Variants in ZNRF2 observed in about 807,000 individuals in gnomAD.
The protein encoded by ZNRF2 is E3 ubiquitin-protein ligase ZNRF2.
In ZNRF2, 16 loss-of-function variants were observed where a neutral mutation model predicts 20.4. The observed-to-expected ratio is 0.79, with a 90% CI of 0.53 to 1.19. The LOEUF (loss-of-function observed/expected upper bound fraction) is 1.19, where lower values mean the gene tolerates loss of function less well. Ranked by LOEUF, ZNRF2 falls within the 50% of genes most tolerant of loss-of-function variation. The pLI, the probability that ZNRF2 is intolerant of heterozygous loss-of-function variation, is 0.00. For missense variants in ZNRF2, 363 were observed against 332.4 expected, an observed-to-expected ratio of 1.09 and a Z score of -0.72; for synonymous variants, 178 against 144.9, an observed-to-expected ratio of 1.23 and a Z score of -1.64.
intron 2 of ZNRF2, among the ~76,000 whole-genome samples, chr7:30,324,170 T>G (rs1412453143): frequency 6.6e-6 from 1 of 152,014 alleles, no homozygotes; most frequent in Non-Finnish European, 1.5e-5. Flanking sequence ...TTCATTCAGT[T>G]TATTGTGATA....
chr7:30,315,099 AGCCACCACGCCTG>A (rs1799349355), intron 1 of ZNRF2, among the ~76,000 whole-genome samples: 1 of 152,116 alleles, frequency 6.6e-6, no homozygotes, highest in African/African-American at 2.4e-5. Flanking sequence ...TACAGGTGTG[AGCCACCACGCCTG>A]GCCTATGGGA....
chr7:30,351,083 T>C (rs1799955869), intron 2 of ZNRF2, among the ~76,000 whole-genome samples: 1 of 151,534 alleles, frequency 6.6e-6, no homozygotes, highest in Non-Finnish European at 1.5e-5. Context: ...ACTATATGGA[T>C]ATGTGCTTGG....
At chr7:30,331,808 T>C (rs1468066325) in intron 2 of ZNRF2, among the ~76,000 whole-genome samples, 2 of 152,154 alleles carry the variant, frequency 1.3e-5, no homozygotes, top group Non-Finnish European at 2.9e-5. Context: ...ACCCAAAAAA[T>C]AATATTTTAC....
In ZNRF2 at chr7:30,285,176, C is replaced by T. The variant is rs2128052791; in HGVS notation, c.-182C>T. On this transcript the variant is annotated 5_prime_UTR_variant, in exon 1 of 5. Transcript: ENST00000323037. ...GTCAGGCCGTCGGCCTCGCCCGCCG[C>T]CCCAAGAAGAGCGCGCCGGGCGCCG... 3 of 432,906 alleles carry T rather than the reference C, an allele frequency of 6.9e-6. No individual in the cohort carries two copies. The highest frequency in any genetic ancestry group is 7.2e-4 in the Middle Eastern group (1 of 1,384). The allele number at this position is 432,906 out of a possible 1,614,324, so 26.8% of individuals were successfully genotyped here.
In ZNRF2 at chr7:30,362,281, A is replaced by T. The variant is rs1800138463; in HGVS notation, c.672-96A>T. The T allele has an allele frequency of 1.4e-5, 11 of 776,572 alleles. No homozygotes were observed. In the East Asian group the frequency reaches 3.2e-4, roughly 22 times the overall value. 48.1% of individuals were successfully genotyped at this position (776,572 alleles called of 1,614,324 possible). On this transcript the variant is annotated intron_variant, in intron 3 of 4. Coordinates refer to ENST00000323037, the MANE Select transcript of ZNRF2 (RefSeq NM_147128.4). ...ATTTAAAATGCTCATTTTTTTCTGT[A>T]AAAAATATATTAAAGTCAAGTATTT...
At chr7:30,330,764 G>T (rs1309429700) in intron 2 of ZNRF2, among the ~76,000 whole-genome samples, 1 of 148,790 alleles carries the variant, frequency 6.7e-6, no homozygotes, top group East Asian at 2.0e-4. Flanking sequence ...TTTTTTAACT[G>T]AAGTTAAAAA....
chr7:30,299,882 C>T (rs1426243894), intron 1 of ZNRF2, among the ~76,000 whole-genome samples: 4 of 150,484 alleles, frequency 2.7e-5, no homozygotes, highest in Admixed American at 1.3e-4. Flanking sequence ...CAAGTTCATG[C>T]CATTCTCCTG....
At chr7:30,306,459 C>A (rs1007844360) in intron 1 of ZNRF2, among the ~76,000 whole-genome samples, 1 of 152,052 alleles carries the variant, frequency 6.6e-6, no homozygotes, top group Non-Finnish European at 1.5e-5. Context: ...GAATAAAATT[C>A]CATCTTTTAT....
intron 1 of ZNRF2, among the ~76,000 whole-genome samples, chr7:30,299,884 A>C (rs1292075406): frequency 1.4e-5 from 2 of 146,030 alleles, no homozygotes; most frequent in African/African-American, 5.1e-5. Flanking sequence ...AGTTCATGCC[A>C]TTCTCCTGCC....
At chr7:30,304,008 T>A (rs571350725) in intron 1 of ZNRF2, among the ~76,000 whole-genome samples, 38 of 152,284 alleles carry the variant, frequency 2.5e-4, no homozygotes, top group African/African-American at 8.9e-4. Context: ...TGAATAGATT[T>A]TACTTAAAGT....
intron 1 of ZNRF2, among the ~76,000 whole-genome samples, chr7:30,294,993 C>CAG (rs151019640): frequency 3.9e-5 from 2 of 51,536 alleles, no homozygotes; most frequent in Admixed American, 2.2e-4. Flanking sequence ...GGGAGGGGGA[C>CAG]AGAGAGAGAG....
chr7:30,363,445 T>C (rs1800160266), intron 4 of ZNRF2, among the ~76,000 whole-genome samples: 1 of 152,204 alleles, frequency 6.6e-6, no homozygotes, highest in Non-Finnish European at 1.5e-5. Flanking sequence ...AACTAGTTTG[T>C]TGGTGGGGAT....
chr7:30,347,991 T>A (rs1187422564), intron 2 of ZNRF2, among the ~76,000 whole-genome samples: 3 of 152,112 alleles, frequency 2.0e-5, no homozygotes, highest in Non-Finnish European at 4.4e-5. Flanking sequence ...TGCCTTAATA[T>A]CTCAGGAATG....
At chr7:30,291,375 C>A (rs1006663152) in intron 1 of ZNRF2, among the ~76,000 whole-genome samples, 2 of 152,204 alleles carry the variant, frequency 1.3e-5, no homozygotes, top group African/African-American at 4.8e-5. Context: ...GCAACCTTCT[C>A]TAGTGGTGCA....
chr7:30,303,506 G>T (rs1799152472), intron 1 of ZNRF2, among the ~76,000 whole-genome samples: 1 of 152,132 alleles, frequency 6.6e-6, no homozygotes, highest in African/African-American at 2.4e-5. Context: ...AAGTTTCCAG[G>T]TGTTGCTGAT....
At chr7:30,300,406 C>G (rs977434433) in intron 1 of ZNRF2, among the ~76,000 whole-genome samples, 1 of 152,150 alleles carries the variant, frequency 6.6e-6, no homozygotes, top group Non-Finnish European at 1.5e-5. Context: ...CTCGGCCTCC[C>G]AAAGTGCTGG....
At chr7:30,347,213 G>A (rs1403650483) in intron 2 of ZNRF2, among the ~76,000 whole-genome samples, 1 of 151,924 alleles carries the variant, frequency 6.6e-6, no homozygotes, top group Non-Finnish European at 1.5e-5. Flanking sequence ...TACCTATGTC[G>A]GTCATACTGT....
chr7:30,323,072 GA>G (rs1217593073), intron 1 of ZNRF2, among the ~76,000 whole-genome samples: 1 of 152,170 alleles, frequency 6.6e-6, no homozygotes, highest in African/African-American at 2.4e-5. Flanking sequence ...TTTTCATTAT[GA>G]CTTCAGTGCC....
At chr7:30,332,517 C>T (rs960322089) in intron 2 of ZNRF2, among the ~76,000 whole-genome samples, 3 of 151,960 alleles carry the variant, frequency 2.0e-5, no homozygotes, top group South Asian at 2.1e-4. Context: ...AACCCTTGTC[C>T]CCCTCCCTCT....
Sources: allele counts gnomAD v4.1 joint callset (sites outside exome capture counted in the v4.1 genomes callset), GRCh38; gene constraint gnomAD v4.1.1; transcripts MANE v1.5; gene names NCBI Gene and HGNC (gene_info 2026-07-23, HGNC 2026-07-21).